Variants in LRRC4C observed in about 807,000 individuals in gnomAD.
LRRC4C encodes leucine rich repeat containing 4C.
Under a neutral mutation model 33.6 loss-of-function variants are expected in LRRC4C, and 5 were observed. That is an observed-to-expected ratio of 0.15 (90% CI 0.08 to 0.31). The LOEUF (loss-of-function observed/expected upper bound fraction) is 0.31, where lower values mean the gene tolerates loss of function less well. Among genes scored for constraint, LRRC4C ranks in the 10% least tolerant of loss-of-function variants. The pLI, the probability that LRRC4C is intolerant of heterozygous loss-of-function variation, is 1.00. For synonymous variants in LRRC4C, 329 were observed against 302.0 expected (o/e 1.09, Z -0.93); for missense variants, 560 against 796.7 (o/e 0.70, Z 3.58).
At chr11:40,438,327 A>G (rs75963394) in intron 3 of LRRC4C, among the ~76,000 whole-genome samples, 2,563 of 152,328 alleles carry the variant, frequency 0.017, 82 homozygotes, top group African/African-American at 0.058. Flanking sequence ...AAAAACAAAA[A>G]CATAAACAAA....
At chr11:41,225,120 C>A (rs543328837) in intron 1 of LRRC4C, among the ~76,000 whole-genome samples, 2 of 151,906 alleles carry the variant, frequency 1.3e-5, no homozygotes, top group African/African-American at 2.4e-5. Context: ...GGATGGTTAC[C>A]AGAGGTTGGG....
chr11:40,358,203 CA>C (rs1565309832), intron 3 of LRRC4C, among the ~76,000 whole-genome samples: 1 of 123,850 alleles, frequency 8.1e-6, no homozygotes, highest in Non-Finnish European at 1.8e-5. Flanking sequence ...AAATAAATAA[CA>C]AAAAACAACA....
chr11:40,975,252 A>G (rs2137035544), intron 1 of LRRC4C, among the ~76,000 whole-genome samples: 1 of 152,356 alleles, frequency 6.6e-6, no homozygotes, highest in Middle Eastern at 3.4e-3. Flanking sequence ...GTGAATAAAT[A>G]TAACCCAAGC....
chr11:40,956,347 A>G (rs1438937918), intron 1 of LRRC4C, among the ~76,000 whole-genome samples: 1 of 151,736 alleles, frequency 6.6e-6, no homozygotes, highest in African/African-American at 2.4e-5. Context: ...CCTAAGTCTC[A>G]GTGATTTAGG....
intron 1 of LRRC4C, among the ~76,000 whole-genome samples, chr11:41,445,081 G>A (rs1955777985): frequency 6.6e-6 from 1 of 152,138 alleles, no homozygotes; most frequent in Non-Finnish European, 1.5e-5. Context: ...GGGATTACAG[G>A]CATGAGCCAC....
intron 2 of LRRC4C, among the ~76,000 whole-genome samples, chr11:40,920,481 C>T (rs994304827): frequency 1.3e-5 from 2 of 152,180 alleles, no homozygotes; most frequent in Non-Finnish European, 2.9e-5. Context: ...CACTCCCTTA[C>T]ATATTGGTTA....
At chr11:40,890,038 A>T (rs1204632639) in intron 2 of LRRC4C, among the ~76,000 whole-genome samples, 1 of 152,160 alleles carries the variant, frequency 6.6e-6, no homozygotes, top group African/African-American at 2.4e-5. Context: ...ACACCTTTTA[A>T]TCTGTCAGGT....
At chr11:41,227,784 C>T (rs1947608426) in intron 1 of LRRC4C, among the ~76,000 whole-genome samples, 1 of 152,088 alleles carries the variant, frequency 6.6e-6, no homozygotes, top group Non-Finnish European at 1.5e-5. Flanking sequence ...AGCCATTATT[C>T]TTTAGTTGGT....
intron 3 of LRRC4C, among the ~76,000 whole-genome samples, chr11:40,568,544 T>C (rs1050241494): frequency 4.6e-5 from 7 of 152,334 alleles, no homozygotes; most frequent in Non-Finnish European, 1.0e-4. Flanking sequence ...ACTAATATAA[T>C]TTCTATAACA....
intron 3 of LRRC4C, among the ~76,000 whole-genome samples, chr11:40,621,931 C>T (rs188954121): frequency 9.2e-5 from 14 of 151,710 alleles, no homozygotes; most frequent in African/African-American, 3.4e-4. Flanking sequence ...AAGACTTTGC[C>T]CCAGGCCACA....
intron 1 of LRRC4C, among the ~76,000 whole-genome samples, chr11:41,256,843 G>T (rs1257665808): frequency 6.6e-6 from 1 of 151,990 alleles, no homozygotes; most frequent in Non-Finnish European, 1.5e-5. Context: ...GTTCAAGAGT[G>T]ACTTCTAATG....
chr11:40,215,701 G>A (rs1308291752), intron 5 of LRRC4C, among the ~76,000 whole-genome samples: 2 of 152,132 alleles, frequency 1.3e-5, no homozygotes, highest in Non-Finnish European at 2.9e-5. Flanking sequence ...TAAAAGACAT[G>A]CCCTTGGTCT....
At chr11:40,615,265 TACAC>T (rs1263574075) in intron 3 of LRRC4C, among the ~76,000 whole-genome samples, 51 of 53,412 alleles carry the variant, frequency 9.5e-4, no homozygotes, top group African/African-American at 1.8e-3. Context: ...TATATATATA[TACAC>T]ACACACACAC....
At chr11:40,578,677 C>A (rs1046935562) in intron 3 of LRRC4C, among the ~76,000 whole-genome samples, 5 of 152,146 alleles carry the variant, frequency 3.3e-5, no homozygotes, top group African/African-American at 1.2e-4. Context: ...CCATTAAACA[C>A]CTTTTTCAAC....
At chr11:40,583,786 T>G (rs528755982) in intron 3 of LRRC4C, among the ~76,000 whole-genome samples, 136 of 151,954 alleles carry the variant, frequency 9.0e-4, no homozygotes, top group Non-Finnish European at 1.6e-3. Context: ...GAAGTCAAGA[T>G]CAAACTTCAG....
chr11:40,566,962 G>A (rs1957790667), intron 3 of LRRC4C, among the ~76,000 whole-genome samples: 1 of 152,044 alleles, frequency 6.6e-6, no homozygotes, highest in Non-Finnish European at 1.5e-5. Context: ...ATTTATACTA[G>A]TCATCTGTTT....
chr11:40,623,105 C>A (rs553983945), intron 3 of LRRC4C, among the ~76,000 whole-genome samples: 2 of 151,366 alleles, frequency 1.3e-5, no homozygotes, highest in Non-Finnish European at 3.0e-5. Flanking sequence ...TAGAATCTAC[C>A]AAGATTTGCC....
At chr11:40,546,651 T>TA (rs1397599493) in intron 3 of LRRC4C, among the ~76,000 whole-genome samples, 2 of 152,104 alleles carry the variant, frequency 1.3e-5, no homozygotes, top group Admixed American at 6.6e-5. Flanking sequence ...GCATACTTGC[T>TA]AAAATGGAGA....
chr11:41,335,900 A>G (rs541517484), intron 1 of LRRC4C, among the ~76,000 whole-genome samples: 1 of 152,348 alleles, frequency 6.6e-6, no homozygotes, highest in African/African-American at 2.4e-5. Flanking sequence ...CATGGCATCC[A>G]TATTTGTATT....
Sources: gnomAD v4.1 joint callset for allele counts (sites outside exome capture counted in the v4.1 genomes callset) on GRCh38, gnomAD v4.1.1 for gene constraint, MANE v1.5 for transcripts, NCBI Gene and HGNC (gene_info 2026-07-23, HGNC 2026-07-21) for gene names.